GATAD1: variants seen among roughly 807,000 people sequenced by gnomAD.
The protein encoded by GATAD1 is GATA zinc finger domain containing 1.
A neutral mutation model predicts 26.5 loss-of-function variants in GATAD1; 12 were observed. The observed-to-expected ratio is 0.45, with a 90% CI of 0.29 to 0.73. The LOEUF (loss-of-function observed/expected upper bound fraction) is 0.73, where lower values mean the gene tolerates loss of function less well. GATAD1 is among the 30% of genes least tolerant of loss of function. GATAD1 has a pLI of 0.10. For missense variants in GATAD1, 266 were observed against 342.1 expected (o/e 0.78, Z 1.75); for synonymous variants, 129 against 133.1 (o/e 0.97, Z 0.21).
the GATAD1 span, chr7:92,470,442 C>T: frequency 4.8e-6 from 3 of 628,130 alleles, no homozygotes; most frequent in East Asian, 8.1e-5. Context: ...GGCGCAAATC[C>T]TCTAGAGGTT....
chr7:92,466,209 C>T, the GATAD1 span, among the ~76,000 whole-genome samples: 6,429 of 152,160 alleles, frequency 0.042, 384 homozygotes, highest in East Asian at 0.28. Flanking sequence ...CACTGTCACC[C>T]GGGCTGGAGT....
At chr7:92,489,494 TA>T in the GATAD1 span, 5 of 1,349,198 alleles carry the variant, frequency 3.7e-6, no homozygotes, top group South Asian at 4.8e-5. Flanking sequence ...GTCCAGTTGT[TA>T]CTTCTTATTG....
chr7:92,454,394 A>G, intron 3 of GATAD1, 108 bp from the exon 4 acceptor site: 1 of 802,638 alleles, frequency 1.2e-6, no homozygotes, highest in Non-Finnish European at 2.1e-6. Context: ...ACTATCTCGA[A>G]CACCTTTTAC....
downstream of GATAD1, chr7:92,462,915 T>C (rs1186105674): frequency 2.6e-5 from 4 of 152,208 alleles, no homozygotes; most frequent in African/African-American, 7.2e-5. Flanking sequence ...GAGAAATGAA[T>C]GTGTGTTGTT....
At chr7:92,489,959 G>C in the GATAD1 span, 516 of 1,327,934 alleles carry the variant, frequency 3.9e-4, no homozygotes, top group Non-Finnish European at 5.0e-4. Context: ...GAGGGGGAGA[G>C]AAAAAACTAT....
chr7:92,451,922 A>C (rs954336449), intron 3 of GATAD1, among the ~76,000 whole-genome samples: 2 of 152,248 alleles, frequency 1.3e-5, no homozygotes, highest in African/African-American at 2.4e-5. Context: ...CCAGAGCTTA[A>C]GCCTAGAGCA....
Position 92,447,782 on chromosome 7 carries a change from C to G in GATAD1, c.53C>G (p.Ser18Cys). ...TCSVCKTTSS[S>C]MWKKGAQGEI... is the part of the protein sequence containing the mutation. ...AGCGTATGCAAGACCACGTCGTCCT[C>G]CATGTGGAAGAAGGGAGCGCAGGGG... Residue 18 changes from serine (S) to cysteine (C), a missense_variant, in exon 1 of 5, where the codon TCC (serine) becomes TGC (cysteine). Physicochemically the swap from Ser to Cys is moderately radical, Grantham distance 112. Coordinates refer to ENST00000287957, the MANE Select transcript of GATAD1 (RefSeq NM_021167.5). The G allele has an allele frequency of 6.7e-7, 1 of 1,498,434 alleles. No homozygotes were observed. Among genetic ancestry groups the G allele is most frequent in the South Asian group, 1.3e-5 (1 of 79,818 alleles). 92.8% of individuals were successfully genotyped at this position (1,498,434 alleles called of 1,614,324 possible). A position where few individuals can be genotyped will look rare whatever the true frequency, so the allele number is the denominator to read the frequency against.
the GATAD1 span, chr7:92,490,194 CAGGTTTCTTCA>C: frequency 1.8e-5 from 7 of 399,758 alleles, no homozygotes; most frequent in Admixed American, 2.9e-4. Flanking sequence ...TGCCCAAGGA[CAGGTTTCTTCA>C]TTTTCAGAAA....
chr7:92,460,218 C>T (rs1789868791), downstream of GATAD1, among the ~76,000 whole-genome samples: 1 of 152,142 alleles, frequency 6.6e-6, no homozygotes, highest in African/African-American at 2.4e-5. Flanking sequence ...TGTGTTGTGT[C>T]TACATATAAA....
intron 2 of GATAD1, chr7:92,449,649 C>T (rs1585165178): frequency 8.3e-6 from 8 of 961,024 alleles, no homozygotes; most frequent in Non-Finnish European, 9.9e-6. Context: ...CTGCAGTAGA[C>T]TTATGCAGAT....
At chr7:92,491,520 A>C in the GATAD1 span, 1 of 1,453,758 alleles carries the variant, frequency 6.9e-7, no homozygotes, top group South Asian at 1.1e-5. Flanking sequence ...ACACAAAAGG[A>C]CAACCAGTTT....
At chr7:92,490,598 G>C in the GATAD1 span, among the ~76,000 whole-genome samples, 1 of 133,198 alleles carries the variant, frequency 7.5e-6, no homozygotes, top group East Asian at 2.3e-4. Context: ...TTGTGCCACT[G>C]CACTCTAGTC....
the GATAD1 span, chr7:92,493,370 C>A: frequency 1.6e-5 from 4 of 249,424 alleles, no homozygotes; most frequent in Admixed American, 1.0e-4. Flanking sequence ...CATGGTGGCT[C>A]ACGCCTGTAA....
chr7:92,489,420 C>G, the GATAD1 span: 1 of 1,612,450 alleles, frequency 6.2e-7, no homozygotes, highest in South Asian at 1.1e-5. Flanking sequence ...ATGGATTCGT[C>G]CTCCTTAAGT....
At chr7:92,454,101 A>G (rs1789559077) in intron 3 of GATAD1, 1 of 227,204 alleles carries the variant, frequency 4.4e-6, no homozygotes, top group African/African-American at 2.4e-5. Flanking sequence ...GGTTATTGAT[A>G]ATAGGGGAGG....
downstream of GATAD1, among the ~76,000 whole-genome samples, chr7:92,464,696 G>C (rs1790037512): frequency 6.6e-6 from 1 of 152,170 alleles, no homozygotes; most frequent in Non-Finnish European, 1.5e-5. Context: ...GCTTGCAGGG[G>C]AATCACTGAA....
chr7:92,467,655 T>C, the GATAD1 span, among the ~76,000 whole-genome samples: 213 of 152,362 alleles, frequency 1.4e-3, 2 homozygotes, highest in African/African-American at 4.8e-3. Flanking sequence ...GCTATGCCAG[T>C]CAGGCCCAGG....
At chr7:92,491,538 T>A in the GATAD1 span, 1 of 1,241,602 alleles carries the variant, frequency 8.1e-7, no homozygotes. Context: ...TTTAAAGATG[T>A]AAACAATTTT....
the GATAD1 span, chr7:92,489,225 AG>A: frequency 9.9e-6 from 13 of 1,309,886 alleles, no homozygotes; most frequent in East Asian, 3.0e-4. Context: ...CGAACTTTAA[AG>A]GTTTAAGTGT....
Sources: allele counts gnomAD v4.1 joint callset (sites outside exome capture counted in the v4.1 genomes callset), GRCh38; gene constraint gnomAD v4.1.1; transcripts MANE v1.5; gene names NCBI Gene and HGNC (gene_info 2026-07-23, HGNC 2026-07-21).